The following GALNT16 variants were observed in gnomAD, a reference collection of about 807,000 sequenced individuals.
The protein encoded by GALNT16 is polypeptide N-acetylgalactosaminyltransferase 16.
A neutral mutation model predicts 76.1 loss-of-function variants in GALNT16; 40 were observed. The ratio of observed to expected loss-of-function variants is 0.53; its 90% CI spans 0.41 to 0.68. The LOEUF is 0.68. GALNT16 is among the 30% of genes least tolerant of loss of function. GALNT16 has a pLI of 0.00. For missense variants in GALNT16, 621 were observed against 731.9 expected (o/e 0.85, Z 1.75); for synonymous variants, 276 against 285.2 (o/e 0.97, Z 0.32).
the GALNT16 span, among the ~76,000 whole-genome samples, chr14:69,377,888 G>C: frequency 7.1e-6 from 1 of 141,552 alleles, no homozygotes; most frequent in Non-Finnish European, 1.5e-5. Context: ...ATCAATTTAT[G>C]TATCAATCCT....
At position 69,260,176 on chromosome 14, in the gene GALNT16, A is replaced by T; in HGVS notation, c.-115A>T. 1 of 353,432 alleles carries T rather than the reference A, an allele frequency of 2.8e-6. No homozygotes were observed. The highest frequency in any genetic ancestry group is 1.8e-5 in the South Asian group (1 of 55,292). 21.9% of individuals were successfully genotyped at this position (353,432 alleles called of 1,614,324 possible). ...CACCTCTCTCCTTTTTCTGCTCTGC[A>T]GGACTGAGCAGCTAGGCGCGAGCGA... On this transcript the variant is annotated 5_prime_UTR_variant, in exon 1 of 15. Transcript: ENST00000448469.
chr14:69,315,693 G>A (rs1229635398), intron 1 of GALNT16, among the ~76,000 whole-genome samples: 2 of 152,154 alleles, frequency 1.3e-5, no homozygotes, highest in Admixed American at 1.3e-4. Context: ...TGGGTTTTGG[G>A]TTTGACTTTG....
intron 2 of GALNT16, among the ~76,000 whole-genome samples, chr14:69,321,334 T>C (rs1463719648): frequency 1.3e-5 from 2 of 152,142 alleles, no homozygotes; most frequent in Non-Finnish European, 2.9e-5. Flanking sequence ...TGTTCTTAGT[T>C]CTCTCAGTAT....
In GALNT16 at chr14:69,316,777, G is replaced by GC. The variant is rs1352577419; in HGVS notation, c.178-3934_178-3933insC. 5.1e-5 allele frequency among the ~76,000 whole-genome samples: 5 copies of GC among 97,134 alleles called. 1 individual carries two copies. Among genetic ancestry groups the GC allele is most frequent in the Admixed American group, 3.1e-4 (3 of 9,696 alleles). 63.7% of individuals were successfully genotyped at this position (97,134 alleles called of 152,430 possible). A position where few individuals can be genotyped will look rare whatever the true frequency, so the allele number is the denominator to read the frequency against. ...GAGCTTGGGGGCTTGTAGTCTGTGAGGGGGGGGGGCACTGAAGGTCACGTG... is the reference window on the plus strand; with the variant it reads ...GAGCTTGGGGGCTTGTAGTCTGTGAGCGGGGGGGGGCACTGAAGGTCACGTG... On this transcript the variant is annotated intron_variant, in intron 1 of 14. Transcript: ENST00000448469.
chr14:69,332,962 G>T, intron 7 of GALNT16, 123 bp from the exon 8 acceptor site: 2 of 743,268 alleles, frequency 2.7e-6, no homozygotes, highest in Non-Finnish European at 4.9e-6. Context: ...CCGAATGAAG[G>T]AGGGACTGCA....
chr14:69,321,928 G>T (rs1207361451), intron 2 of GALNT16, among the ~76,000 whole-genome samples: 1 of 152,250 alleles, frequency 6.6e-6, no homozygotes. Context: ...TAGCAACAAT[G>T]ACTTGGATCA....
chr14:69,314,355 G>A (rs112363304), intron 1 of GALNT16, among the ~76,000 whole-genome samples: 88 of 152,366 alleles, frequency 5.8e-4, no homozygotes, highest in Non-Finnish European at 1.1e-3. Context: ...AGTAAGAACT[G>A]CCATTCTATA....
chr14:69,369,925 C>T, the GALNT16 span, among the ~76,000 whole-genome samples: 3 of 152,194 alleles, frequency 2.0e-5, no homozygotes, highest in African/African-American at 7.2e-5. Flanking sequence ...ATTTGCTCTT[C>T]TCCTTTGGGG....
intron 13 of GALNT16, 129 bp from the exon 14 acceptor site, chr14:69,347,748 C>G: frequency 1.0e-6 from 1 of 967,510 alleles, no homozygotes; most frequent in Non-Finnish European, 1.6e-6. Flanking sequence ...ATACATCTAC[C>G]CTAGCTCCTA....
At chr14:69,383,382 T>A in the GALNT16 span, among the ~76,000 whole-genome samples, 1 of 152,230 alleles carries the variant, frequency 6.6e-6, no homozygotes, top group African/African-American at 2.4e-5. Context: ...ATAGAAACTA[T>A]GAGCACACAA....
chr14:69,380,991 C>CA, the GALNT16 span, among the ~76,000 whole-genome samples: 1 of 152,080 alleles, frequency 6.6e-6, no homozygotes, highest in East Asian at 1.9e-4. Flanking sequence ...AAAACAACAA[C>CA]AAAAAAATTG....
intron 1 of GALNT16, among the ~76,000 whole-genome samples, chr14:69,289,147 G>A (rs1463591061): frequency 6.6e-6 from 1 of 152,170 alleles, no homozygotes; most frequent in African/African-American, 2.4e-5. Context: ...CAGAGTGCTA[G>A]GATTACAGGC....
chr14:69,367,519 C>T, the GALNT16 span, among the ~76,000 whole-genome samples: 25 of 151,884 alleles, frequency 1.6e-4, no homozygotes, highest in South Asian at 4.2e-4. Flanking sequence ...TTACAGCCTG[C>T]GGATCTGGAG....
chr14:69,270,715 T>C (rs544797919), intron 1 of GALNT16, among the ~76,000 whole-genome samples: 2 of 152,222 alleles, frequency 1.3e-5, no homozygotes, highest in Non-Finnish European at 2.9e-5. Context: ...GACCTGATTA[T>C]TTCCTTGGAA....
chr14:69,289,725 G>A (rs1264470163), intron 1 of GALNT16, among the ~76,000 whole-genome samples: 1 of 152,092 alleles, frequency 6.6e-6, no homozygotes, highest in Non-Finnish European at 1.5e-5. Flanking sequence ...AGAACCCAGT[G>A]TAGATGTTGT....
At chr14:69,351,075 G>A (rs756264142) in intron 14 of GALNT16, 2 of 152,226 alleles carry the variant, frequency 1.3e-5, no homozygotes, top group Admixed American at 6.5e-5. Context: ...TCTGTGATGC[G>A]AGACCTCCAG....
At chr14:69,318,845 C>G (rs553211869) in intron 1 of GALNT16, among the ~76,000 whole-genome samples, 1 of 152,362 alleles carries the variant, frequency 6.6e-6, no homozygotes, top group African/African-American at 2.4e-5. Flanking sequence ...GGGCATCCAT[C>G]GCTCTCCCAG....
At chr14:69,300,310 A>G (rs961532080) in intron 1 of GALNT16, among the ~76,000 whole-genome samples, 1 of 152,192 alleles carries the variant, frequency 6.6e-6, no homozygotes, top group African/African-American at 2.4e-5. Context: ...GCACACTCAC[A>G]TATTCACAAA....
At chr14:69,360,039 T>A (rs1257697144), downstream of GALNT16, among the ~76,000 whole-genome samples, 1 of 119,208 alleles carries the variant, frequency 8.4e-6, no homozygotes, top group Non-Finnish European at 1.8e-5. Flanking sequence ...TAAAATAAAA[T>A]AAAATAAAGA....
Sources: allele counts gnomAD v4.1 joint callset (sites outside exome capture counted in the v4.1 genomes callset), GRCh38; gene constraint gnomAD v4.1.1; transcripts MANE v1.5; gene names NCBI Gene and HGNC (gene_info 2026-07-23, HGNC 2026-07-21).